RTL9: variants seen among roughly 807,000 people sequenced by gnomAD.
RTL9 encodes the protein retrotransposon Gag like 9.
A neutral mutation model predicts 44.7 loss-of-function variants in RTL9; 19 were observed. The ratio of observed to expected loss-of-function variants is 0.42; its 90% confidence interval spans 0.30 to 0.62. The LOEUF (loss-of-function observed/expected upper bound fraction) is 0.62, where lower values mean the gene tolerates loss of function less well. Among genes scored for constraint, RTL9 ranks in the 20% least tolerant of loss-of-function variants. The pLI is 0.16. For synonymous variants in RTL9, 407 were observed against 398.9 expected (o/e 1.02, Z -0.24); for missense variants, 1,105 against 1,080.6 (o/e 1.02, Z -0.32).
chrX:110,451,654 T>A (rs1388129076), exon 1 of RTL9: 1 of 1,209,870 alleles, frequency 8.3e-7, no homozygotes, highest in African/African-American at 1.8e-5. Flanking sequence ...GCTGAAGCAA[T>A]GTCCCCAGCA....
chrX:110,433,418 CTT>C (rs2068813166), intron 1 of RTL9, among the ~76,000 whole-genome samples: 1 of 111,449 alleles, frequency 9.0e-6, no homozygotes, highest in African/African-American at 3.3e-5. Context: ...ATTCATCTGT[CTT>C]ATCGCAGGCC....
intron 1 of RTL9, among the ~76,000 whole-genome samples, chrX:110,361,941 A>G (rs1235271849): frequency 8.9e-6 from 1 of 111,859 alleles, no homozygotes; most frequent in Non-Finnish European, 1.9e-5. Flanking sequence ...AACTGTATTT[A>G]CCAAAACAGG....
At chrX:110,454,015 C>T in exon 1 of RTL9, 1 of 1,212,115 alleles carries the variant, frequency 8.3e-7, no homozygotes, top group Non-Finnish European at 1.1e-6. Context: ...ACTGCGAAAC[C>T]ACCACCAAAG....
chrX:110,370,571 C>G (rs577296624), intron 1 of RTL9, among the ~76,000 whole-genome samples: 1 of 112,507 alleles, frequency 8.9e-6, no homozygotes, highest in South Asian at 3.7e-4. Flanking sequence ...TCTAAGTCAT[C>G]CCTTTTCTAA....
At chrX:110,454,286 G>C (rs746012624) in exon 1 of RTL9, 1 of 1,211,862 alleles carries the variant, frequency 8.3e-7, no homozygotes, top group South Asian at 1.8e-5. Context: ...GAAGATCCCA[G>C]GGCATATATG....
At chrX:110,442,247 CTGTGTG>C (rs908737506) in intron 1 of RTL9, among the ~76,000 whole-genome samples, 108 of 97,034 alleles carry the variant, frequency 1.1e-3, no homozygotes, top group South Asian at 3.0e-3. Context: ...CTCTCTCTCT[CTGTGTG>C]TGTGTGTGTG....
intron 1 of RTL9, among the ~76,000 whole-genome samples, chrX:110,442,239 CTCTCTCTCTG>C (rs992304864): frequency 3.8e-5 from 4 of 104,734 alleles, no homozygotes; most frequent in African/African-American, 1.4e-4. Context: ...CTCTCTCTCT[CTCTCTCTCTG>C]TGTGTGTGTG....
chrX:110,449,712 C>T (rs961238049), upstream of RTL9, among the ~76,000 whole-genome samples: 2 of 112,496 alleles, frequency 1.8e-5, no homozygotes, highest in African/African-American at 6.5e-5. Flanking sequence ...ACTAGGCAAC[C>T]CCCAGGAGGG....
At position 110,372,810 on chromosome X, in the gene RTL9, T is replaced by C. The variant is rs770334463; in HGVS notation, c.-168+13894T>C. Among the ~76,000 whole-genome samples the C allele has an allele frequency of 3.3e-4, 37 of 111,472 alleles. 1 individual carries two copies. Among genetic ancestry groups the C allele is most frequent in the African/African-American group, 1.2e-3 (37 of 30,704 alleles). ...TCACAGTCACAGCAATGAGCATAAA[T>C]TGACATTTCACCACTCACAGGAAAA... On this transcript the variant is annotated intron_variant, in intron 1 of 2. Coordinates refer to the RTL9 transcript ENST00000520821.
intron 1 of RTL9, among the ~76,000 whole-genome samples, chrX:110,397,021 AT>A (rs1166974437): frequency 6.3e-5 from 7 of 111,589 alleles, no homozygotes; most frequent in Non-Finnish European, 1.3e-4. Flanking sequence ...CGGAGCCCAC[AT>A]TTCTCCTGTC....
At chrX:110,429,146 A>G (rs1435286336) in intron 1 of RTL9, among the ~76,000 whole-genome samples, 1 of 112,147 alleles carries the variant, frequency 8.9e-6, no homozygotes, top group Admixed American at 9.4e-5. Flanking sequence ...AGTTTCTACC[A>G]CACAGCCTGA....
At chrX:110,414,448 G>T (rs917203558), upstream of RTL9, among the ~76,000 whole-genome samples, 2 of 112,544 alleles carry the variant, frequency 1.8e-5, no homozygotes, top group African/African-American at 6.5e-5. Context: ...GATATGTATC[G>T]AGTGTCTTCT....
Position 110,367,408 on chromosome X carries a change from C to T in RTL9, c.-168+8492C>T, listed in dbSNP as rs146145303. On this transcript the variant is annotated intron_variant, in intron 1 of 2. Transcript: ENST00000520821. ...ATTCATATCAAGGTCAACAATATCT[C>T]CTCAGTATTAAATTCAATGGTCATT... Among the ~76,000 whole-genome samples the T allele has an allele frequency of 9.7e-3, 1,086 of 111,948 alleles. 17 individuals carry two copies. The highest frequency in any genetic ancestry group is 0.034 in the African/African-American group (1,049 of 30,809).
intron 1 of RTL9, among the ~76,000 whole-genome samples, chrX:110,401,092 T>A (rs773722032): frequency 8.9e-6 from 1 of 112,538 alleles, no homozygotes; most frequent in Non-Finnish European, 1.9e-5. Flanking sequence ...GTTTTACAGA[T>A]GAAAGTGGAA....
chrX:110,442,509 A>G (rs779151411), intron 1 of RTL9, among the ~76,000 whole-genome samples: 51 of 111,311 alleles, frequency 4.6e-4, no homozygotes, highest in Non-Finnish European at 8.7e-4. Context: ...AGAAGAGTCT[A>G]ATTTTAGGGT....
intron 1 of RTL9, among the ~76,000 whole-genome samples, chrX:110,436,771 T>C (rs1315300338): frequency 9.0e-6 from 1 of 111,714 alleles, no homozygotes; most frequent in Non-Finnish European, 1.9e-5. Context: ...GGGAGTCCCC[T>C]GAGGGAGGTA....
At chrX:110,438,272 G>T (rs377458979) in intron 1 of RTL9, among the ~76,000 whole-genome samples, 1 of 111,696 alleles carries the variant, frequency 9.0e-6, no homozygotes, top group Non-Finnish European at 1.9e-5. Flanking sequence ...TGAGTCAAAA[G>T]AATTATATAC....
intron 1 of RTL9, among the ~76,000 whole-genome samples, chrX:110,380,744 G>T (rs1399522115): frequency 8.9e-6 from 1 of 112,068 alleles, no homozygotes. Context: ...TACAGAAAAA[G>T]ACATATAGAC....
Position 110,388,277 on chromosome X carries a change from G to A in RTL9, c.-168+29361G>A, listed in dbSNP as rs779368983. 1.1e-4 allele frequency among the ~76,000 whole-genome samples: 12 copies of A among 112,113 alleles called. No homozygotes were observed. The South Asian group carries it at 4.5e-3, about 42-fold the overall frequency. ...GAGCACAATGCTTTGTACTAAATAGGCACTCAGGTGGTATTTGTTATTGAT... is the reference window on the plus strand; with the variant it reads ...GAGCACAATGCTTTGTACTAAATAGACACTCAGGTGGTATTTGTTATTGAT... On this transcript the variant is annotated intron_variant, in intron 1 of 2. Coordinates refer to the RTL9 transcript ENST00000520821.
Sources: gnomAD v4.1 joint callset for allele counts (sites outside exome capture counted in the v4.1 genomes callset) on GRCh38, gnomAD v4.1.1 for gene constraint, MANE v1.5 for transcripts, NCBI Gene and HGNC (gene_info 2026-07-23, HGNC 2026-07-21) for gene names.